TPCN1: variants seen among roughly 807,000 people sequenced by gnomAD.
TPCN1 encodes two pore channel protein 1.
A neutral mutation model predicts 108.8 loss-of-function variants in TPCN1; 52 were observed. The ratio of observed to expected loss-of-function variants is 0.48; its 90% CI spans 0.38 to 0.60. The LOEUF is 0.60. Ranked by LOEUF, TPCN1 falls within the 20% of genes least tolerant of loss-of-function variation. The pLI is 0.00. For missense variants in TPCN1, 806 were observed against 1,072.8 expected (o/e 0.75, Z 3.47); for synonymous variants, 446 against 433.7 (o/e 1.03, Z -0.35).
chr12:113,232,078 T>G lies in TPCN1; in HGVS notation c.112+5114T>G, dbSNP rs918565691. On this transcript the variant is annotated intron_variant, in intron 2 of 27. Transcript: ENST00000335509. This position sits in a 1 kb window ranked among gnomAD's most constrained non-coding sequence, Gnocchi z 5.6. ...GGCTGGACCATGTGCCTTTTCTGAG[T>G]GAAGGAAGGATTGGGCTCGCGGGGG... 7.2e-5 allele frequency among the ~76,000 whole-genome samples: 11 copies of G among 152,290 alleles called. No homozygotes were observed. Among genetic ancestry groups the G allele is most frequent in the Admixed American group, 5.9e-4 (9 of 15,302 alleles).
Position 113,251,546 on chromosome 12 carries a change from G to A in TPCN1, c.113-8822G>A, listed in dbSNP as rs578038010. 4.5e-4 allele frequency among the ~76,000 whole-genome samples: 69 copies of A among 152,336 alleles called. 1 individual carries two copies. The highest frequency in any genetic ancestry group is 3.4e-3 in the Middle Eastern group (1 of 294). ...CCAGCCATGTGTGGTCTGTGGCCACGGGGCGCATGTTTTGTCTCTGTGTTG... is the reference window on the plus strand; with the variant it reads ...CCAGCCATGTGTGGTCTGTGGCCACAGGGCGCATGTTTTGTCTCTGTGTTG... On this transcript the variant is annotated intron_variant, in intron 2 of 27. Coordinates refer to ENST00000335509, the MANE Select transcript of TPCN1 (RefSeq NM_017901.6).
intron 21 of TPCN1, 86 bp from the exon 22 acceptor site, chr12:113,290,042 C>T (rs1226619643): frequency 1.7e-5 from 14 of 846,422 alleles, no homozygotes; most frequent in Non-Finnish European, 2.7e-5. Flanking sequence ...TTGGCCAGAA[C>T]TCGGTTTGTT....
chr12:113,237,112 C>T (rs1192338837), intron 2 of TPCN1, among the ~76,000 whole-genome samples: 2 of 152,202 alleles, frequency 1.3e-5, no homozygotes, highest in African/African-American at 4.8e-5. Flanking sequence ...TGACATCTTG[C>T]CAGCTCGGGA....
At chr12:113,283,598 T>G (rs1371010272) in intron 15 of TPCN1, among the ~76,000 whole-genome samples, 1 of 151,506 alleles carries the variant, frequency 6.6e-6, no homozygotes, top group Non-Finnish European at 1.5e-5. Flanking sequence ...CACGCCCCAC[T>G]GCACTTCAGC....
chr12:113,287,895 G>T (rs1433821845), intron 19 of TPCN1, among the ~76,000 whole-genome samples: 4 of 152,218 alleles, frequency 2.6e-5, no homozygotes, highest in Non-Finnish European at 5.9e-5. Context: ...CAGCTCTACT[G>T]CAAGGAGATG....
At chr12:113,291,713 G>A (rs762968897) in intron 24 of TPCN1, 36 bp downstream of exon 24, 21 of 1,605,264 alleles carry the variant, frequency 1.3e-5, no homozygotes, top group Middle Eastern at 1.6e-4. Context: ...TTTGTCCTTC[G>A]TCTTCCACAT....
At position 113,266,318 on chromosome 12, in the gene TPCN1, G is replaced by A. The variant is rs1290140392; in HGVS notation, c.376G>A (p.Glu126Lys). 12 of 1,611,128 alleles carry A rather than the reference G, an allele frequency of 7.4e-6. No individual in the cohort carries two copies. The highest frequency in any genetic ancestry group is 3.3e-5 in the Admixed American group (2 of 60,002). The change falls in exon 4 of 28, where the codon GAG becomes AAG. Residue 126 changes from glutamate to lysine, a missense_variant. Glu to Lys is a moderately conservative substitution (Grantham distance 56, BLOSUM62 1). Coordinates refer to ENST00000335509, the MANE Select transcript of TPCN1 (RefSeq NM_017901.6). This position sits in a 1 kb window ranked among gnomAD's most constrained non-coding sequence, Gnocchi z 4.2. ...GCTGCTGCTGCTGCTCTCCCTGTGC[G>A]AGGCCCCCGCCGTCCCCGCACTCCG... is the stretch of plus-strand genomic sequence containing the variant. ...ALLLLLLSLC[E>K]APAVPALRLG...
rs143724709 is a variant in TPCN1 at position 113,283,174 on chromosome 12, T to C, written c.1343-1407T>C. 2.8e-4 allele frequency among the ~76,000 whole-genome samples: 43 copies of C among 152,362 alleles called. 2 individuals are homozygous for C. The highest frequency in any genetic ancestry group is 9.9e-4 in the African/African-American group (41 of 41,592). On this transcript the variant is annotated intron_variant, in intron 15 of 27. Coordinates refer to ENST00000335509, the MANE Select transcript of TPCN1 (RefSeq NM_017901.6). ...GAAGGAAGTTTAGTTTATATCCCTG[T>C]CACTTCCCACAGTGGGCAACTTTTA...
At chr12:113,282,200 C>T (rs1452268041) in intron 15 of TPCN1, among the ~76,000 whole-genome samples, 1 of 151,106 alleles carries the variant, frequency 6.6e-6, no homozygotes, top group African/African-American at 2.4e-5. Context: ...ACACCATTCT[C>T]CTGCCTCAGC....
At chr12:113,228,212 C>T (rs1953544117) in intron 2 of TPCN1, among the ~76,000 whole-genome samples, 1 of 152,186 alleles carries the variant, frequency 6.6e-6, no homozygotes, top group Admixed American at 6.5e-5. Flanking sequence ...GAGATTTGAA[C>T]CCAGCATCAT....
rs755507908 is a variant in TPCN1 at position 113,269,717 on chromosome 12, C to T, written c.660-40C>T. Reference sequence around the variant, plus strand: ...AAGGAGGAGTCCCAGGCAGCCCGCCCCAGCTGGTGCCTCCCCTGAGCTGGC... The same window carrying T: ...AAGGAGGAGTCCCAGGCAGCCCGCCTCAGCTGGTGCCTCCCCTGAGCTGGC... On this transcript the variant is annotated intron_variant, in intron 6 of 27. Transcript: ENST00000335509. The surrounding 1 kb of genome is among the most constrained non-coding windows in gnomAD (Gnocchi z 5.0). The T allele has an allele frequency of 6.3e-7, 1 of 1,593,490 alleles. No individual in the cohort carries two copies. The highest frequency in any genetic ancestry group is 8.6e-7 in the Non-Finnish European group (1 of 1,165,132).
At chr12:113,256,618 G>A (rs185241658) in intron 2 of TPCN1, among the ~76,000 whole-genome samples, 84 of 152,186 alleles carry the variant, frequency 5.5e-4, no homozygotes, top group African/African-American at 1.8e-3. Context: ...GAACTACTGG[G>A]CTAAGGTGAT....
intron 10 of TPCN1, among the ~76,000 whole-genome samples, chr12:113,276,105 T>A (rs954964660): frequency 6.6e-6 from 1 of 152,214 alleles, no homozygotes; most frequent in African/African-American, 2.4e-5. Context: ...TCTCATGATA[T>A]GACCACAGGT....
chr12:113,267,883 T>G lies in TPCN1; in HGVS notation c.455T>G (p.Val152Gly). ...GAGCTGTTTGCCCTGATGGTGGTAG[T>G]GTTTGAACTCTGCATGAAGTTACGC... ...TLELFALMVV[V>G]FELCMKLRWL... The change falls in exon 5 of 28, where the codon GTG (valine) becomes GGG (glycine). Residue 152 changes from valine to glycine, a missense_variant. Physicochemically the swap from Val to Gly is moderately radical, Grantham distance 109 (BLOSUM62 -3). Coordinates refer to ENST00000335509, the MANE Select transcript of TPCN1 (RefSeq NM_017901.6). The G allele has an allele frequency of 6.2e-7, 1 of 1,614,158 alleles. No individual in the cohort carries two copies. The highest frequency in any genetic ancestry group is 8.5e-7 in the Non-Finnish European group (1 of 1,180,014).
chr12:113,276,335 T>C (rs1194025997), intron 10 of TPCN1, among the ~76,000 whole-genome samples: 2 of 152,244 alleles, frequency 1.3e-5, no homozygotes, highest in African/African-American at 4.8e-5. Context: ...CATCCCCCTC[T>C]GATAAGCTAA....
At chr12:113,290,910 T>C in intron 22 of TPCN1, 42 bp from the exon 23 acceptor site, 1 of 1,604,454 alleles carries the variant, frequency 6.2e-7, no homozygotes, top group Non-Finnish European at 8.5e-7. Context: ...GACTTTGAAG[T>C]GGGGTCTCAT....
In TPCN1 at chr12:113,285,938, G is replaced by A. The variant is rs367762093; in HGVS notation, c.1503G>A (p.Glu501=). Residue 501 remains glutamate, a synonymous_variant, in exon 18 of 28, where the codon GAG becomes GAA. Coordinates refer to ENST00000335509, the MANE Select transcript of TPCN1 (RefSeq NM_017901.6). ...AGGTTGCCGGCCTGGGCCCTGTGGA[G>A]TACTTGTCTTCCGGATGGAACTTGT... is the stretch of plus-strand genomic sequence containing the variant. ...FLKVAGLGPV[E]YLSSGWNLFD... The A allele has an allele frequency of 1.2e-5, 20 of 1,614,102 alleles. No individual in the cohort carries two copies. The highest frequency in any genetic ancestry group is 1.7e-5 in the Non-Finnish European group (20 of 1,180,036).
At position 113,291,953 on chromosome 12, in the gene TPCN1, C is replaced by G; in HGVS notation, c.2108C>G (p.Ser703Trp). 1 of 1,614,016 alleles carries G rather than the reference C, an allele frequency of 6.2e-7. No homozygotes were observed. Among genetic ancestry groups the G allele is most frequent in the Non-Finnish European group, 8.5e-7 (1 of 1,179,944 alleles). ...AACTACAGCCGCAAGAACCAGGACT[C>G]GGAAGGTCTGTGCAGGGATGATGCC... Reference protein sequence around the residue: ...RMNYSRKNQDSEVDGGITLEK... With the variant: ...RMNYSRKNQDWEVDGGITLEK... Residue 703 changes from serine (S) to tryptophan (W), a missense_variant, in exon 25 of 28, where the codon TCG becomes TGG. Coordinates refer to ENST00000335509, the MANE Select transcript of TPCN1 (RefSeq NM_017901.6).
chr12:113,258,624 T>TA, intron 2 of TPCN1, among the ~76,000 whole-genome samples: 1 of 152,106 alleles, frequency 6.6e-6, no homozygotes, highest in South Asian at 2.1e-4. Flanking sequence ...TCTATAAAAA[T>TA]ACAAAAATTA....
Sources: gnomAD v4.1 joint callset for allele counts (sites outside exome capture counted in the v4.1 genomes callset) on GRCh38, gnomAD v4.1.1 for gene constraint, Gnocchi (gnomAD v3.1) non-coding constraint, MANE v1.5 for transcripts, NCBI Gene and HGNC (gene_info 2026-07-23, HGNC 2026-07-21) for gene names.